Variants in PRR16 observed in about 807,000 individuals in gnomAD.
The protein encoded by PRR16 is protein Largen.
PRR16 carries 6 observed loss-of-function variants against 18.2 expected under a neutral mutation model. That is an observed-to-expected ratio of 0.33 (90% CI 0.18 to 0.65). The LOEUF is 0.65. PRR16 is among the 30% of genes least tolerant of loss of function. The pLI is 0.74. For missense variants in PRR16, 412 were observed against 376.6 expected (o/e 1.09, Z -0.78); for synonymous variants, 151 against 147.8 (o/e 1.02, Z -0.16).
chr5:120,487,961 T>A (rs144348419), intron 1 of PRR16, among the ~76,000 whole-genome samples: 8,295 of 152,204 alleles, frequency 0.054, 812 homozygotes, highest in African/African-American at 0.19. Flanking sequence ...TATTGATTTG[T>A]GTATGTTGAA....
intron 1 of PRR16, among the ~76,000 whole-genome samples, chr5:120,568,442 T>C (rs1752803468): frequency 6.6e-6 from 1 of 152,178 alleles, no homozygotes; most frequent in African/African-American, 2.4e-5. Context: ...GGAAAGATCT[T>C]TCCTGAAAGA....
At chr5:120,491,425 TTTCCTTTC>T (rs1750036784) in intron 1 of PRR16, among the ~76,000 whole-genome samples, 1 of 590 alleles carries the variant, frequency 1.7e-3, no homozygotes, top group Non-Finnish European at 2.8e-3. Context: ...TACCCTTTCC[TTTCCTTTC>T]CTTTCCTTTC....
the PRR16 span, among the ~76,000 whole-genome samples, chr5:120,696,114 C>T: frequency 6.6e-6 from 1 of 151,884 alleles, no homozygotes; most frequent in South Asian, 2.1e-4. Flanking sequence ...TAGTGGCGAG[C>T]GCCTGTAGTC....
At chr5:120,584,941 G>A (rs1009953119) in intron 1 of PRR16, among the ~76,000 whole-genome samples, 1 of 151,998 alleles carries the variant, frequency 6.6e-6, no homozygotes, top group African/African-American at 2.4e-5. Context: ...AAAGCAGAAG[G>A]GGGCTGAAAC....
intron 1 of PRR16, among the ~76,000 whole-genome samples, chr5:120,498,176 A>G (rs1750323844): frequency 6.6e-6 from 1 of 151,124 alleles, no homozygotes; most frequent in South Asian, 2.1e-4. Context: ...CTTATTATTT[A>G]GAGATCTATT....
intron 1 of PRR16, among the ~76,000 whole-genome samples, chr5:120,659,542 A>G (rs911581517): frequency 6.6e-6 from 1 of 152,070 alleles, no homozygotes; most frequent in Non-Finnish European, 1.5e-5. Context: ...TGGGATATCT[A>G]TCATCTCAAA....
intron 1 of PRR16, among the ~76,000 whole-genome samples, chr5:120,498,082 T>G (rs1228076521): frequency 6.6e-5 from 10 of 151,304 alleles, no homozygotes; most frequent in South Asian, 6.2e-4. Context: ...TTTGTGTTTG[T>G]TTTGTTTTTG....
chr5:120,744,025 A>G, the PRR16 span, among the ~76,000 whole-genome samples: 2 of 151,886 alleles, frequency 1.3e-5, no homozygotes, highest in Admixed American at 1.3e-4. Context: ...TTATAACTTT[A>G]TCTTCAAGAG....
intron 1 of PRR16, among the ~76,000 whole-genome samples, chr5:120,647,665 C>G (rs79072955): frequency 6.6e-6 from 1 of 152,026 alleles, no homozygotes; most frequent in Non-Finnish European, 1.5e-5. Context: ...GTCTTTAAAA[C>G]CTGTAATTGC....
chr5:120,472,046 T>G (rs1749286485), intron 1 of PRR16, among the ~76,000 whole-genome samples: 1 of 152,144 alleles, frequency 6.6e-6, no homozygotes, highest in African/African-American at 2.4e-5. Context: ...TCATCATCTT[T>G]GTTTTCTCTC....
chr5:120,625,405 A>G (rs1404791173), intron 1 of PRR16, among the ~76,000 whole-genome samples: 1 of 152,124 alleles, frequency 6.6e-6, no homozygotes, highest in Non-Finnish European at 1.5e-5. Flanking sequence ...TCACAACTCA[A>G]TGCAGACTGC....
In PRR16 at chr5:120,464,450, C is replaced by T. The variant is rs961645177; in HGVS notation, c.-37C>T. ...GGGGGCACGCAGCAGCCTCCGCTCG[C>T]CCGCCTGTCCTGACCTGCCTCGCTT... On this transcript the variant is annotated 5_prime_UTR_variant, in exon 1 of 2. Coordinates refer to ENST00000407149, the MANE Select transcript of PRR16 (RefSeq NM_001300783.2). 6.5e-7 allele frequency: 1 copy of T among 1,538,214 alleles called. No homozygotes were observed.
the PRR16 span, among the ~76,000 whole-genome samples, chr5:120,728,808 A>T: frequency 2.0e-5 from 3 of 152,176 alleles, no homozygotes; most frequent in Non-Finnish European, 4.4e-5. Flanking sequence ...TTACTTTGAA[A>T]TCATATGTCG....
chr5:120,676,645 A>G (rs1440828759), intron 1 of PRR16, among the ~76,000 whole-genome samples: 2 of 152,116 alleles, frequency 1.3e-5, no homozygotes, highest in East Asian at 3.9e-4. Context: ...GACAGCAAAG[A>G]CAGACATGCT....
Position 120,684,447 on chromosome 5 carries a change from A to T in PRR16, c.160-1507A>T, listed in dbSNP as rs145927800. ...TGACAAAGAGCCAACTTCACAGTTG[A>T]TTAAACTTAGACCTAAGTAAGAGAG... On this transcript the variant is annotated intron_variant, in intron 1 of 1. Transcript: ENST00000407149. Among the ~76,000 whole-genome samples, 86 of 152,226 alleles carry T rather than the reference A, an allele frequency of 5.6e-4. 1 individual carries two copies. The highest frequency in any genetic ancestry group is 2.0e-3 in the African/African-American group (84 of 41,590).
At chr5:120,625,932 T>G (rs1176517051) in intron 1 of PRR16, among the ~76,000 whole-genome samples, 1 of 152,148 alleles carries the variant, frequency 6.6e-6, no homozygotes. Flanking sequence ...ATCCAAGGGA[T>G]GTCTTGCTTA....
At chr5:120,644,831 T>A (rs1755537485) in intron 1 of PRR16, among the ~76,000 whole-genome samples, 1 of 152,140 alleles carries the variant, frequency 6.6e-6, no homozygotes, top group Non-Finnish European at 1.5e-5. Flanking sequence ...TGTACTTCAG[T>A]TGCTTTGTTT....
At chr5:120,755,909 C>CA in the PRR16 span, among the ~76,000 whole-genome samples, 1 of 152,066 alleles carries the variant, frequency 6.6e-6, no homozygotes, top group South Asian at 2.1e-4. Context: ...GGAGGGGGCT[C>CA]AAGCAAGTGG....
intron 1 of PRR16, among the ~76,000 whole-genome samples, chr5:120,608,387 A>C (rs895303785): frequency 6.6e-6 from 1 of 152,158 alleles, no homozygotes; most frequent in Non-Finnish European, 1.5e-5. Context: ...GGAATGTTGA[A>C]ACCAGCACTG....
Sources: allele counts gnomAD v4.1 joint callset (sites outside exome capture counted in the v4.1 genomes callset), GRCh38; gene constraint gnomAD v4.1.1; transcripts MANE v1.5; gene names NCBI Gene and HGNC (gene_info 2026-07-23, HGNC 2026-07-21).